The following EPB41L4B variants were observed in gnomAD, a reference collection of about 807,000 sequenced individuals.
EPB41L4B encodes the protein erythrocyte membrane protein band 4.1 like 4B.
EPB41L4B carries 30 observed loss-of-function variants against 112.5 expected under a neutral mutation model. The ratio of observed to expected loss-of-function variants is 0.27; its 90% CI spans 0.20 to 0.36. The LOEUF is 0.36. EPB41L4B is among the 10% of genes least tolerant of loss of function. The probability of loss-of-function intolerance (pLI) is 1.00; values close to 1 mark genes in which losing one functional copy is unlikely to be tolerated. For synonymous variants in EPB41L4B, 408 were observed against 439.7 expected (o/e 0.93, Z 0.90); for missense variants, 1,024 against 1,133.3 (o/e 0.90, Z 1.38).
chr9:109,290,754 C>CCTCA (rs569954488), intron 1 of EPB41L4B, among the ~76,000 whole-genome samples: 1 of 141,826 alleles, frequency 7.1e-6, no homozygotes, highest in Admixed American at 7.2e-5. Context: ...CATATATATA[C>CCTCA]CTCACACACA....
At position 109,320,366 on chromosome 9, in the gene EPB41L4B, G is replaced by C. The variant is rs559872260; in HGVS notation, c.81C>G (p.Ala27=). 3 of 981,452 alleles carry C rather than the reference G, an allele frequency of 3.1e-6. No homozygotes were observed. The highest frequency in any genetic ancestry group is 2.3e-4 in the East Asian group (2 of 8,664). 60.8% of individuals were successfully genotyped at this position (981,452 alleles called of 1,614,324 possible). ...YARGAAGRGA[A]GLGDERDGGP... ...CCCCATCGCGCTCGTCCCCCAGCCC[G>C]GCGGCCCCGCGCCCCGCCGCGCCCC... is the stretch of plus-strand genomic sequence containing the variant. Residue 27 remains alanine (A), a synonymous_variant, in exon 1 of 26, where the codon GCC becomes GCG. Coordinates refer to ENST00000374566, the MANE Select transcript of EPB41L4B (RefSeq NM_019114.5).
chr9:109,186,015 A>G lies in EPB41L4B; in HGVS notation c.2302-410T>C, dbSNP rs921509177. 2.6e-5 allele frequency among the ~76,000 whole-genome samples: 4 copies of G among 151,984 alleles called. No homozygotes were observed. The South Asian group carries it at 8.3e-4, about 32-fold the overall frequency. ...GCCAGAAAGATAGCCAGGATGACTT[A>G]GTGATGTGAGCCATGGAGGAAGTGA... On this transcript the variant is annotated intron_variant, in intron 22 of 25. Transcript: ENST00000374566.
chr9:109,214,316 A>C lies in EPB41L4B; in HGVS notation c.1634-498T>G, dbSNP rs184370135. ...TGCCACTACTTCTCCTTCCAGCTTG[A>C]ATTTACTCATTAATACATTAAATAT... On this transcript the variant is annotated intron_variant, in intron 16 of 25. Coordinates refer to ENST00000374566, the MANE Select transcript of EPB41L4B (RefSeq NM_019114.5). Among the ~76,000 whole-genome samples the C allele has an allele frequency of 3.6e-3, 547 of 152,294 alleles. 5 individuals carry two copies. Among genetic ancestry groups the C allele is most frequent in the African/African-American group, 0.012 (508 of 41,556 alleles).
intron 4 of EPB41L4B, 61 bp from the exon 5 acceptor site, chr9:109,265,085 A>G: frequency 7.0e-7 from 1 of 1,427,462 alleles, no homozygotes; most frequent in East Asian, 2.3e-5. Context: ...CCCAATCCCC[A>G]GCTTCCCACT....
intron 21 of EPB41L4B, among the ~76,000 whole-genome samples, chr9:109,193,475 T>A (rs1832533103): frequency 6.6e-6 from 1 of 152,224 alleles, no homozygotes; most frequent in South Asian, 2.1e-4. Flanking sequence ...AAATAAAGGT[T>A]TTGGAAGTGA....
At position 109,174,512 on chromosome 9, in the gene EPB41L4B, C is replaced by G. The variant is rs1831740889; in HGVS notation, c.*42G>C. On this transcript the variant is annotated 3_prime_UTR_variant, in exon 26 of 26. Transcript: ENST00000374566. ...ACAAAGCCCGAAGAAAGAAGACGGA[C>G]AGAAGGCACCATGCCATCTTCCAGG... The G allele has an allele frequency of 6.5e-7, 1 of 1,547,500 alleles. No homozygotes were observed.
intron 1 of EPB41L4B, among the ~76,000 whole-genome samples, chr9:109,315,793 G>A (rs543741425): frequency 2.7e-4 from 41 of 152,066 alleles, no homozygotes; most frequent in African/African-American, 8.7e-4. Flanking sequence ...TAAAAACCTG[G>A]ATTCTCCTGT....
chr9:109,241,563 G>A, intron 15 of EPB41L4B: 1 of 1,558,586 alleles, frequency 6.4e-7, no homozygotes, highest in Non-Finnish European at 8.7e-7. Flanking sequence ...ACTCCTTAAA[G>A]ACACTCGTCC....
At chr9:109,260,534 C>T (rs1386386869) in intron 6 of EPB41L4B, among the ~76,000 whole-genome samples, 1 of 151,700 alleles carries the variant, frequency 6.6e-6, no homozygotes, top group African/African-American at 2.4e-5. Flanking sequence ...CCTGCTTCAG[C>T]CTCCTGAGTA....
chr9:109,306,512 C>A (rs1165926444), intron 1 of EPB41L4B, among the ~76,000 whole-genome samples: 3 of 152,194 alleles, frequency 2.0e-5, no homozygotes, highest in African/African-American at 7.2e-5. Context: ...TACGGGGGAG[C>A]TGAGGCAGGA....
At position 109,320,727 on chromosome 9, in the gene EPB41L4B, C is replaced by T. The variant is rs1837843818; in HGVS notation, c.-281G>A. 1 of 143,898 alleles carries T rather than the reference C, an allele frequency of 6.9e-6. No homozygotes were observed. The highest frequency in any genetic ancestry group is 2.1e-4 in the South Asian group (1 of 4,764). The allele number at this position is 143,898 out of a possible 1,614,324, so 8.9% of individuals were successfully genotyped here. On this transcript the variant is annotated 5_prime_UTR_variant, in exon 1 of 26. Transcript: ENST00000374566. ...CCGCCGCCGCCGCCGCGCGCTCTCC[C>T]GGGCCGGCGGCCTGCGCGGGCTGCC...
At chr9:109,317,601 T>TA (rs1404376999) in intron 1 of EPB41L4B, among the ~76,000 whole-genome samples, 1 of 152,246 alleles carries the variant, frequency 6.6e-6, no homozygotes, top group Non-Finnish European at 1.5e-5. Context: ...AAAAGGTTTA[T>TA]GACAGCACAT....
intron 15 of EPB41L4B, among the ~76,000 whole-genome samples, chr9:109,217,899 C>T (rs1210631334): frequency 6.9e-6 from 1 of 145,940 alleles, no homozygotes; most frequent in Non-Finnish European, 1.5e-5. Flanking sequence ...TCCAGTGGAC[C>T]ACCTCCTTTT....
At chr9:109,288,083 A>G (rs1836368712) in intron 1 of EPB41L4B, among the ~76,000 whole-genome samples, 1 of 152,256 alleles carries the variant, frequency 6.6e-6, no homozygotes, top group African/African-American at 2.4e-5. Context: ...GTGTGATGGT[A>G]CTAAGAAGTG....
At chr9:109,211,798 C>G (rs1334963353) in intron 17 of EPB41L4B, among the ~76,000 whole-genome samples, 3 of 146,264 alleles carry the variant, frequency 2.1e-5, no homozygotes, top group African/African-American at 7.6e-5. Context: ...TCACTGCAAC[C>G]TCTGTCTCGT....
chr9:109,255,285 G>A (rs1429017301), intron 11 of EPB41L4B, among the ~76,000 whole-genome samples: 1 of 152,188 alleles, frequency 6.6e-6, no homozygotes, highest in Non-Finnish European at 1.5e-5. Flanking sequence ...GAACAGCACA[G>A]CTCTGACTAA....
chr9:109,320,171 G>A lies in EPB41L4B; in HGVS notation c.276C>T (p.Leu92=), dbSNP rs774770186. Residue 92 remains leucine, a synonymous_variant, in exon 1 of 26, where the codon CTC becomes CTT. Coordinates refer to ENST00000374566, the MANE Select transcript of EPB41L4B (RefSeq NM_019114.5). ...KATLYCRVFL[L]DGTEVSVDLP... is the part of the protein sequence containing the mutation. ...GGTCCACGCTCACTTCGGTCCCGTCGAGCAGGAAGACGCGGCAGTAGAGGG... is the reference window on the plus strand; with the variant it reads ...GGTCCACGCTCACTTCGGTCCCGTCAAGCAGGAAGACGCGGCAGTAGAGGG... The A allele has an allele frequency of 1.3e-6, 2 of 1,485,128 alleles. No individual in the cohort carries two copies. The highest frequency in any genetic ancestry group is 1.5e-5 in the African/African-American group (1 of 68,688). 92.0% of individuals were successfully genotyped at this position (1,485,128 alleles called of 1,614,324 possible). A position where few individuals can be genotyped will look rare whatever the true frequency, so the allele number is the denominator to read the frequency against.
At chr9:109,253,272 G>A (rs80239859) in intron 12 of EPB41L4B, among the ~76,000 whole-genome samples, 169 bp downstream of exon 12, 5 of 152,288 alleles carry the variant, frequency 3.3e-5, no homozygotes, top group East Asian at 3.9e-4. Context: ...GAGGGATGGC[G>A]GAAGTGGCCA....
intron 2 of EPB41L4B, among the ~76,000 whole-genome samples, chr9:109,272,128 G>A (rs552345186): frequency 4.6e-5 from 7 of 152,220 alleles, no homozygotes; most frequent in South Asian, 2.1e-4. Flanking sequence ...AACTCATAAC[G>A]GGATTTCTAG....
Sources: allele counts gnomAD v4.1 joint callset (sites outside exome capture counted in the v4.1 genomes callset), GRCh38; gene constraint gnomAD v4.1.1; transcripts MANE v1.5; gene names NCBI Gene and HGNC (gene_info 2026-07-23, HGNC 2026-07-21).